NKAIN2: variants seen among roughly 807,000 people sequenced by gnomAD.
NKAIN2 encodes the protein sodium/potassium-transporting ATPase subunit beta-1-interacting protein 2.
Under a neutral mutation model 32.6 loss-of-function variants are expected in NKAIN2, and 14 were observed. That is an observed-to-expected ratio of 0.43 (90% CI 0.28 to 0.67). The LOEUF is 0.67. NKAIN2 is among the 30% of genes least tolerant of loss of function. The probability of loss-of-function intolerance (pLI) is 0.17; values close to 1 mark genes in which losing one functional copy is unlikely to be tolerated. For synonymous variants in NKAIN2, 80 were observed against 87.2 expected, an observed-to-expected ratio of 0.92 and a Z score of 0.46; for missense variants, 198 against 258.3, an observed-to-expected ratio of 0.77 and a Z score of 1.60.
intron 1 of NKAIN2, among the ~76,000 whole-genome samples, chr6:123,872,570 T>C (rs890724205): frequency 1.3e-5 from 2 of 152,196 alleles, no homozygotes; most frequent in Admixed American, 6.5e-5. Flanking sequence ...TTTGAGGATA[T>C]ATGAGCAGAC....
At chr6:123,963,547 A>T (rs1469166814) in intron 1 of NKAIN2, among the ~76,000 whole-genome samples, 1 of 152,220 alleles carries the variant, frequency 6.6e-6, no homozygotes, top group Non-Finnish European at 1.5e-5. Context: ...AAATGAACAT[A>T]AAAATTGCAC....
rs753879094 is a variant in NKAIN2 at position 124,586,449 on chromosome 6, G to T, written c.274-71737G>T. 6.1e-4 allele frequency among the ~76,000 whole-genome samples: 93 copies of T among 152,110 alleles called. 1 individual carries two copies. The highest frequency in any genetic ancestry group is 1.0e-3 in the Non-Finnish European group (68 of 68,022). On this transcript the variant is annotated intron_variant, in intron 3 of 6. Transcript: ENST00000368417. ...ACACTGGGGCCTACTTGAGGGCGTAGGCTGGAAGGAGGGTGAGGATCAAAC... is the reference window on the plus strand; with the variant it reads ...ACACTGGGGCCTACTTGAGGGCGTATGCTGGAAGGAGGGTGAGGATCAAAC...
intron 1 of NKAIN2, among the ~76,000 whole-genome samples, chr6:124,101,240 GAA>G (rs11352683): frequency 1.2e-3 from 175 of 150,198 alleles, no homozygotes; most frequent in African/African-American, 4.2e-3. Flanking sequence ...CTGGAGGGCT[GAA>G]AAAAAAATGA....
chr6:124,329,012 AG>A, intron 2 of NKAIN2, among the ~76,000 whole-genome samples: 1 of 152,302 alleles, frequency 6.6e-6, no homozygotes, highest in East Asian at 1.9e-4. Flanking sequence ...TGAATATACA[AG>A]ATTAGAGAGT....
At position 124,658,325 on chromosome 6, in the gene NKAIN2, G is replaced by A. The variant is rs370192830; in HGVS notation, c.413G>A (p.Gly138Glu). 3.7e-6 allele frequency: 6 copies of A among 1,613,934 alleles called. No homozygotes were observed. Among genetic ancestry groups the A allele is most frequent in the Non-Finnish European group, 5.1e-6 (6 of 1,179,996 alleles). ...GACCATCGCTACATCACGGTCTCAGGGTGTTTGCTGGAGTACCAGTACATA... is the reference window on the plus strand; with the variant it reads ...GACCATCGCTACATCACGGTCTCAGAGTGTTTGCTGGAGTACCAGTACATA... ...PEDHRYITVS[G>E]CLLEYQYIEV... is the part of the protein sequence containing the mutation. Residue 138 changes from glycine to glutamate, a missense_variant, in exon 4 of 7, where the codon GGG becomes GAG. Physicochemically the swap from Gly to Glu is moderately conservative, Grantham distance 98. Coordinates refer to ENST00000368417, the MANE Select transcript of NKAIN2 (RefSeq NM_001040214.3).
intron 3 of NKAIN2, among the ~76,000 whole-genome samples, chr6:124,425,521 G>T (rs9491174): frequency 2.0e-5 from 3 of 152,000 alleles, no homozygotes; most frequent in Non-Finnish European, 4.4e-5. Flanking sequence ...ACTACCGACT[G>T]GGATGAAGTA....
intron 3 of NKAIN2, among the ~76,000 whole-genome samples, chr6:124,563,293 G>T (rs1054936758): frequency 2.0e-5 from 3 of 152,214 alleles, no homozygotes; most frequent in Admixed American, 2.0e-4. Flanking sequence ...TGAATACCTG[G>T]ATAATTTTTG....
chr6:124,289,581 G>C (rs1211538820), intron 2 of NKAIN2, among the ~76,000 whole-genome samples: 1 of 152,122 alleles, frequency 6.6e-6, no homozygotes, highest in African/African-American at 2.4e-5. Context: ...TACTCAATTT[G>C]CATGGGGGAA....
At chr6:123,950,176 T>C (rs951095608) in intron 1 of NKAIN2, among the ~76,000 whole-genome samples, 1 of 151,962 alleles carries the variant, frequency 6.6e-6, no homozygotes, top group Non-Finnish European at 1.5e-5. Context: ...TAATGTGCTG[T>C]TGGATGTGGT....
intron 1 of NKAIN2, among the ~76,000 whole-genome samples, chr6:124,102,026 G>T (rs115317544): frequency 0.033 from 5,057 of 152,314 alleles, 278 homozygotes; most frequent in African/African-American, 0.11. Context: ...CACGCAGGTG[G>T]CAAGACCTCT....
At chr6:124,203,436 G>T (rs965280842) in intron 1 of NKAIN2, among the ~76,000 whole-genome samples, 2 of 151,802 alleles carry the variant, frequency 1.3e-5, no homozygotes, top group Non-Finnish European at 2.9e-5. Context: ...GTGCTTAGTT[G>T]TGTTCTCTAG....
chr6:124,077,576 A>G (rs925512652), intron 1 of NKAIN2, among the ~76,000 whole-genome samples: 8 of 152,178 alleles, frequency 5.3e-5, no homozygotes, highest in Non-Finnish European at 2.9e-5. Context: ...GTACAATTTA[A>G]AAGTTTAGTT....
intron 1 of NKAIN2, among the ~76,000 whole-genome samples, chr6:123,953,250 G>A (rs1260323547): frequency 6.6e-6 from 1 of 152,130 alleles, no homozygotes; most frequent in African/African-American, 2.4e-5. Context: ...CCTGTCCTTG[G>A]GCTCCAGAAG....
chr6:123,898,741 T>C (rs796538985), intron 1 of NKAIN2, among the ~76,000 whole-genome samples: 16 of 152,284 alleles, frequency 1.1e-4, no homozygotes, highest in African/African-American at 3.9e-4. Context: ...TTGAAATCAA[T>C]TTACCAAAGT....
intron 3 of NKAIN2, among the ~76,000 whole-genome samples, chr6:124,571,972 A>G (rs1015317252): frequency 6.6e-6 from 1 of 152,022 alleles, no homozygotes; most frequent in Admixed American, 6.6e-5. Flanking sequence ...TGCCCTTCCA[A>G]TTTGGCTTTT....
intron 3 of NKAIN2, among the ~76,000 whole-genome samples, chr6:124,657,389 A>G (rs1175333664): frequency 6.6e-6 from 1 of 152,104 alleles, no homozygotes; most frequent in African/African-American, 2.4e-5. Context: ...ACATTTGCCC[A>G]TGTGCCATTG....
At chr6:124,814,047 C>G (rs1300182080) in intron 5 of NKAIN2, among the ~76,000 whole-genome samples, 2 of 152,006 alleles carry the variant, frequency 1.3e-5, no homozygotes, top group African/African-American at 4.8e-5. Context: ...TAAGCTAACC[C>G]CAGTAATTCA....
rs571659119 is a variant in NKAIN2 at position 124,402,936 on chromosome 6, A to C, written c.273+47589A>C. Among the ~76,000 whole-genome samples, 55 of 152,266 alleles carry C rather than the reference A, an allele frequency of 3.6e-4. 1 individual carries two copies. The South Asian group carries it at 0.011, about 31-fold the overall frequency. ...TTACCTATATAACAAACCTGCACCTATACCCACGAACCTAAAATAAAAGTT... is the reference window on the plus strand; with the variant it reads ...TTACCTATATAACAAACCTGCACCTCTACCCACGAACCTAAAATAAAAGTT... On this transcript the variant is annotated intron_variant, in intron 3 of 6. Transcript: ENST00000368417.
intron 3 of NKAIN2, among the ~76,000 whole-genome samples, chr6:124,592,765 T>C (rs1298837384): frequency 6.6e-6 from 1 of 152,210 alleles, no homozygotes; most frequent in Non-Finnish European, 1.5e-5. Flanking sequence ...TGTAGCTATG[T>C]AAATTAGGCA....
Sources: gnomAD v4.1 joint callset for allele counts (sites outside exome capture counted in the v4.1 genomes callset) on GRCh38, gnomAD v4.1.1 for gene constraint, MANE v1.5 for transcripts, NCBI Gene and HGNC (gene_info 2026-07-23, HGNC 2026-07-21) for gene names.